FSTL5: variants seen among roughly 807,000 people sequenced by gnomAD.
FSTL5 encodes follistatin-related protein 5.
FSTL5 carries 62 observed loss-of-function variants against 89.1 expected under a neutral mutation model. That is an observed-to-expected ratio of 0.70 (90% CI 0.57 to 0.86). The LOEUF (loss-of-function observed/expected upper bound fraction) is 0.86, where lower values mean the gene tolerates loss of function less well. FSTL5 is among the 40% of genes least tolerant of loss of function. The pLI is 0.00. For missense variants in FSTL5, 1,057 were observed against 1,001.6 expected, an observed-to-expected ratio of 1.06 and a Z score of -0.75; for synonymous variants, 383 against 346.2, an observed-to-expected ratio of 1.11 and a Z score of -1.18.
At chr4:161,742,694 A>G (rs896078119) in intron 6 of FSTL5, among the ~76,000 whole-genome samples, 3 of 152,148 alleles carry the variant, frequency 2.0e-5, no homozygotes, top group Admixed American at 6.5e-5. Context: ...GATGAGTATG[A>G]TAAGATTCAC....
chr4:161,776,025 TA>T lies in FSTL5; in HGVS notation c.458del (p.Leu153Ter). On this transcript the variant is annotated frameshift_variant, in exon 5 of 16. Coordinates refer to ENST00000306100, the MANE Select transcript of FSTL5 (RefSeq NM_020116.5). LOFTEE classifies it high-confidence loss of function. ...TEYSKMKNMLLDLQNQKYIMQ... is the reference protein window; with the variant it reads ...TEYSKMKNMLXDLQNQKYIMQ... ...TAATATATTTTTGATTTTGTAAATC[TA>T]ATAGCATATTTTTCATCTTGCTGTA... The T allele has an allele frequency of 6.3e-7, 1 of 1,590,626 alleles. No homozygotes were observed. Among genetic ancestry groups the T allele is most frequent in the Non-Finnish European group, 8.6e-7 (1 of 1,162,804 alleles).
At chr4:161,760,577 T>C (rs1740756474) in intron 5 of FSTL5, among the ~76,000 whole-genome samples, 2 of 152,088 alleles carry the variant, frequency 1.3e-5, no homozygotes, top group Admixed American at 1.3e-4. Context: ...CACACACACA[T>C]GCACACACAG....
At chr4:161,975,608 T>TGGGGGGAGGGGGGGGGGGG (rs1735613214) in intron 3 of FSTL5, among the ~76,000 whole-genome samples, 1 of 62,470 alleles carries the variant, frequency 1.6e-5, no homozygotes, top group Admixed American at 1.9e-4. Context: ...TGTGGTGGGG[T>TGGGGGGAGGGGGGGGGGGG]GGGGGGAGTG....
At chr4:161,783,575 TTTGCTTTCC>T (rs1436976641) in intron 4 of FSTL5, among the ~76,000 whole-genome samples, 6 of 151,142 alleles carry the variant, frequency 4.0e-5, no homozygotes, top group Admixed American at 6.6e-5. Flanking sequence ...CTTTTCTTTC[TTTGCTTTCC>T]TTGCTTTCCT....
At position 161,783,121 on chromosome 4, in the gene FSTL5, A is replaced by G. The variant is rs544318141; in HGVS notation, c.410-7047T>C. On this transcript the variant is annotated intron_variant, in intron 4 of 15. Transcript: ENST00000306100. ...TACAATGGTGAAATTGATGATATGGAATGTGTAGCAACCTAAATAAAAAAC... is the reference window on the plus strand; with the variant it reads ...TACAATGGTGAAATTGATGATATGGGATGTGTAGCAACCTAAATAAAAAAC... Among the ~76,000 whole-genome samples, 3 of 152,316 alleles carry G rather than the reference A, an allele frequency of 2.0e-5. No homozygotes were observed. The South Asian group carries it at 6.2e-4, about 32-fold the overall frequency.
chr4:161,761,316 C>G (rs1740792159), intron 5 of FSTL5, among the ~76,000 whole-genome samples: 1 of 152,122 alleles, frequency 6.6e-6, no homozygotes, highest in Admixed American at 6.5e-5. Context: ...CAGTCATTCT[C>G]CATTTGCTAT....
At chr4:161,401,552 G>T (rs1374706627) in intron 15 of FSTL5, among the ~76,000 whole-genome samples, 1 of 152,074 alleles carries the variant, frequency 6.6e-6, no homozygotes, top group African/African-American at 2.4e-5. Flanking sequence ...TTGAGAGGGA[G>T]TCTTGTCTGT....
intron 4 of FSTL5, among the ~76,000 whole-genome samples, chr4:161,871,951 A>G (rs536831710): frequency 6.6e-6 from 1 of 151,914 alleles, no homozygotes; most frequent in African/African-American, 2.4e-5. Context: ...ATAGTCATGA[A>G]AGTTATTATT....
At chr4:161,463,466 A>G (rs1319417785) in intron 13 of FSTL5, among the ~76,000 whole-genome samples, 1 of 152,236 alleles carries the variant, frequency 6.6e-6, no homozygotes, top group African/African-American at 2.4e-5. Flanking sequence ...ACAGAATCAT[A>G]TATTAATGAT....
chr4:161,754,237 G>A (rs1289501434), intron 6 of FSTL5, among the ~76,000 whole-genome samples: 4 of 151,842 alleles, frequency 2.6e-5, no homozygotes, highest in African/African-American at 4.8e-5. Flanking sequence ...GTGTTTTACT[G>A]ACAAAAACTT....
intron 4 of FSTL5, among the ~76,000 whole-genome samples, chr4:161,860,380 T>G (rs578032056): frequency 6.6e-6 from 1 of 152,340 alleles, no homozygotes; most frequent in South Asian, 2.1e-4. Context: ...GTTGAACTGG[T>G]AATAACGTTA....
intron 3 of FSTL5, among the ~76,000 whole-genome samples, chr4:161,958,517 T>A (rs182707010): frequency 2.4e-4 from 36 of 152,274 alleles, no homozygotes; most frequent in African/African-American, 8.7e-4. Context: ...TCTCTTTGTT[T>A]ATTACTTTTT....
At chr4:161,771,941 A>G (rs1331810304) in intron 5 of FSTL5, among the ~76,000 whole-genome samples, 2 of 152,202 alleles carry the variant, frequency 1.3e-5, no homozygotes, top group Non-Finnish European at 2.9e-5. Flanking sequence ...TTAAGTTAGA[A>G]TGATGAAGAG....
chr4:162,041,084 A>G lies in FSTL5; in HGVS notation c.127-7426T>C, dbSNP rs377580502. Reference sequence around the variant, plus strand: ...AAATGTGATATTCAATAGTGGAATTATGTATCAAATCTAGATAGTACAGTC... The same window carrying G: ...AAATGTGATATTCAATAGTGGAATTGTGTATCAAATCTAGATAGTACAGTC... On this transcript the variant is annotated intron_variant, in intron 2 of 15. Coordinates refer to ENST00000306100, the MANE Select transcript of FSTL5 (RefSeq NM_020116.5). Among the ~76,000 whole-genome samples, 3 of 151,614 alleles carry G rather than the reference A, an allele frequency of 2.0e-5. No individual in the cohort carries two copies. In the East Asian group the frequency reaches 5.9e-4, roughly 30 times the overall value.
chr4:161,934,612 TG>T (rs201696270), intron 3 of FSTL5, among the ~76,000 whole-genome samples: 4 of 150,474 alleles, frequency 2.7e-5, no homozygotes, highest in Non-Finnish European at 4.4e-5. Context: ...TAGAATTTTG[TG>T]GGGTTTTTTT....
At chr4:161,513,109 TA>T (rs1210898819) in intron 10 of FSTL5, among the ~76,000 whole-genome samples, 1 of 152,094 alleles carries the variant, frequency 6.6e-6, no homozygotes, top group African/African-American at 2.4e-5. Flanking sequence ...TTCAAGCCCA[TA>T]AAATTCACCA....
At chr4:161,459,633 C>A (rs1193377626) in intron 13 of FSTL5, among the ~76,000 whole-genome samples, 1 of 151,954 alleles carries the variant, frequency 6.6e-6, no homozygotes, top group Non-Finnish European at 1.5e-5. Context: ...ATTACCTATG[C>A]ACATTGTGAG....
At chr4:161,780,139 T>C (rs1164137623) in intron 4 of FSTL5, among the ~76,000 whole-genome samples, 2 of 149,258 alleles carry the variant, frequency 1.3e-5, no homozygotes, top group Admixed American at 1.3e-4. Flanking sequence ...TTGCAATTGG[T>C]TGTATAATTA....
At chr4:161,840,879 A>G (rs1330822095) in intron 4 of FSTL5, among the ~76,000 whole-genome samples, 2 of 152,178 alleles carry the variant, frequency 1.3e-5, no homozygotes, top group Admixed American at 6.6e-5. Context: ...AATAAGCAAG[A>G]AATCAAAGGA....
Sources: allele counts gnomAD v4.1 joint callset (sites outside exome capture counted in the v4.1 genomes callset), GRCh38; gene constraint gnomAD v4.1.1; transcripts MANE v1.5; gene names NCBI Gene and HGNC (gene_info 2026-07-23, HGNC 2026-07-21).